Variants in RAB36 observed in about 807,000 individuals in gnomAD.
RAB36 encodes ras-related protein Rab-36.
RAB36 carries 33 observed loss-of-function variants against 39.3 expected under a neutral mutation model. The observed-to-expected ratio is 0.84, with a 90% CI of 0.64 to 1.12. The LOEUF (loss-of-function observed/expected upper bound fraction) is 1.12, where lower values mean the gene tolerates loss of function less well. RAB36 is among the 50% of genes most tolerant of loss of function. RAB36 has a pLI of 0.00. For synonymous variants in RAB36, 133 were observed against 140.2 expected, an observed-to-expected ratio of 0.95 and a Z score of 0.36; for missense variants, 308 against 355.3, an observed-to-expected ratio of 0.87 and a Z score of 1.07.
chr22:23,149,779 C>G (rs1269061189), intron 2 of RAB36, among the ~76,000 whole-genome samples: 1 of 152,244 alleles, frequency 6.6e-6, no homozygotes, highest in African/African-American at 2.4e-5. Flanking sequence ...CCAGAGCAGA[C>G]AGGCCTGTCA....
chr22:23,147,106 G>A (rs1398127772), intron 2 of RAB36, among the ~76,000 whole-genome samples: 1 of 152,156 alleles, frequency 6.6e-6, no homozygotes, highest in East Asian at 1.9e-4. Context: ...CATCGTTGTT[G>A]TTATCAAAAC....
intron 2 of RAB36, among the ~76,000 whole-genome samples, chr22:23,147,149 C>A (rs1271041489): frequency 6.6e-6 from 1 of 152,152 alleles, no homozygotes; most frequent in Non-Finnish European, 1.5e-5. Flanking sequence ...AAATCCAGGG[C>A]TCTCTCCTCT....
intron 5 of RAB36, among the ~76,000 whole-genome samples, chr22:23,154,549 G>C (rs938052212): frequency 2.6e-5 from 4 of 152,214 alleles, no homozygotes; most frequent in South Asian, 4.1e-4. Flanking sequence ...AGGGCCAGTG[G>C]GGGTAGCTGA....
intron 2 of RAB36, among the ~76,000 whole-genome samples, chr22:23,148,226 A>G (rs1346075292): frequency 6.6e-6 from 1 of 152,108 alleles, no homozygotes; most frequent in East Asian, 1.9e-4. Flanking sequence ...TGTGTCTCAG[A>G]CCTGTGGACA....
At chr22:23,153,240 G>C (rs2071265785) in intron 5 of RAB36, 106 bp downstream of exon 5, 1 of 848,926 alleles carries the variant, frequency 1.2e-6, no homozygotes, top group Admixed American at 2.0e-5. Flanking sequence ...GACTAGTCTA[G>C]ACAAGCAGAG....
At chr22:23,145,448 G>A (rs778299791), upstream of RAB36, 3 of 1,610,622 alleles carry the variant, frequency 1.9e-6, no homozygotes, top group South Asian at 1.1e-5. Context: ...TCGACGATTC[G>A]TGTAGCCCGC....
chr22:23,163,260 GTC>G lies in RAB36; in HGVS notation c.*1700_*1701del, dbSNP rs2071911496. 1 of 153,826 alleles carries G rather than the reference GTC, an allele frequency of 6.5e-6. No homozygotes were observed. The highest frequency in any genetic ancestry group is 2.4e-5 in the African/African-American group (1 of 40,874). 9.5% of individuals were successfully genotyped at this position (153,826 alleles called of 1,614,324 possible). A position where few individuals can be genotyped will look rare whatever the true frequency, so the allele number is the denominator to read the frequency against. On this transcript the variant is annotated 3_prime_UTR_variant, in exon 11 of 11. Transcript: ENST00000263116. ...GTTTTCTTTTGGGCGGCGGGATGGA[GTC>G]TCTGTCACCCAGGCTGGCGTGCAAT... is the stretch of plus-strand genomic sequence containing the variant.
intron 7 of RAB36, 110 bp from the exon 8 acceptor site, chr22:23,158,788 T>C (rs1488000848): frequency 7.1e-5 from 67 of 948,728 alleles, no homozygotes; most frequent in Non-Finnish European, 3.8e-5. Flanking sequence ...GCCCTCCTTG[T>C]CCCTCCCAGC....
intron 6 of RAB36, among the ~76,000 whole-genome samples, chr22:23,156,995 A>T (rs1017007738): frequency 7.2e-5 from 11 of 152,114 alleles, no homozygotes; most frequent in Admixed American, 2.0e-4. Context: ...GTGCAGAGGA[A>T]GCCCCTGTCC....
At chr22:23,146,027 T>G in intron 1 of RAB36, 1 of 984,768 alleles carries the variant, frequency 1.0e-6, no homozygotes, top group Non-Finnish European at 1.2e-6. Context: ...CACAGCCCAG[T>G]AAGGTAAGCT....
Position 23,152,530 on chromosome 22 carries a change from C to A in RAB36, c.227+4C>A. The A allele has an allele frequency of 6.2e-7, 1 of 1,614,010 alleles. No homozygotes were observed. Among genetic ancestry groups the A allele is most frequent in the Non-Finnish European group, 8.5e-7 (1 of 1,179,874 alleles). Reference sequence around the variant, plus strand: ...GGAAGACCAGCCTCATCCACAGGTACAAGGCTTCCTCTGCCCCTTTGGCCA... The same window carrying A: ...GGAAGACCAGCCTCATCCACAGGTAAAAGGCTTCCTCTGCCCCTTTGGCCA... On this transcript the variant is annotated splice_donor_region_variant and intron_variant, in intron 4 of 10. Transcript: ENST00000263116.
At chr22:23,145,824 GA>G in intron 1 of RAB36, 1 of 358,150 alleles carries the variant, frequency 2.8e-6, no homozygotes, top group Non-Finnish European at 3.9e-6. Flanking sequence ...AGTCCGGACA[GA>G]AAAAGGAGAC....
chr22:23,152,989 T>C, intron 4 of RAB36, 44 bp from the exon 5 acceptor site: 4 of 1,410,526 alleles, frequency 2.8e-6, no homozygotes, highest in South Asian at 1.2e-5. Context: ...TCCGGGCACA[T>C]TTCTGTGAGT....
intron 6 of RAB36, 200 bp downstream of exon 6, chr22:23,156,232 C>T (rs1006914019): frequency 7.4e-6 from 4 of 539,670 alleles, no homozygotes; most frequent in Non-Finnish European, 1.4e-5. Flanking sequence ...CGATCACACC[C>T]TTTAAGGACC....
upstream of RAB36, chr22:23,145,466 G>C (rs746854024): frequency 1.2e-6 from 2 of 1,609,880 alleles, no homozygotes; most frequent in Non-Finnish European, 1.7e-6. Flanking sequence ...CGCAGGTCCC[G>C]CGTGGCTCTC....
chr22:23,163,606 G>GCCTCCC lies in RAB36; in HGVS notation c.*2044_*2045insTCCCCC, dbSNP rs1555954101. 8.0e-6 allele frequency: 1 copy of GCCTCCC among 125,234 alleles called. No individual in the cohort carries two copies. Among genetic ancestry groups the GCCTCCC allele is most frequent in the Non-Finnish European group, 1.8e-5 (1 of 55,740 alleles). 7.8% of individuals were successfully genotyped at this position (125,234 alleles called of 1,614,324 possible). On this transcript the variant is annotated 3_prime_UTR_variant, in exon 11 of 11. Transcript: ENST00000263116. Reference sequence around the variant, plus strand: ...AAAGCATATAAAATACAAGGTGAAAGCCCCCCCCCCGCCACATTAGCTGCG... The same window carrying GCCTCCC: ...AAAGCATATAAAATACAAGGTGAAAGCCTCCCCCCCCCCCCCGCCACATTAGCTGCG...
chr22:23,150,414 G>T (rs2071049542), intron 3 of RAB36, among the ~76,000 whole-genome samples: 2 of 150,406 alleles, frequency 1.3e-5, no homozygotes, highest in Non-Finnish European at 2.9e-5. Context: ...CCATTCTCCT[G>T]CCTCAGCCTC....
At chr22:23,159,071 G>C (rs2071626073) in intron 8 of RAB36, 92 bp downstream of exon 8, 1 of 1,586,948 alleles carries the variant, frequency 6.3e-7, no homozygotes, top group African/African-American at 1.3e-5. Flanking sequence ...AGGGAGGGAG[G>C]CAGCACAGTG....
At position 23,162,626 on chromosome 22, in the gene RAB36, C is replaced by T. The variant is rs1338246556; in HGVS notation, c.*1062C>T. On this transcript the variant is annotated 3_prime_UTR_variant, in exon 11 of 11. Coordinates refer to ENST00000263116, the MANE Select transcript of RAB36 (RefSeq NM_004914.5). The stretch of plus-strand genomic sequence containing the variant: ...CCCCAGCCTCTCTGCCCAGTATGCT[C>T]ATCCACAGGGTTTTCTCACTGCTAT... 1 of 456,342 alleles carries T rather than the reference C, an allele frequency of 2.2e-6. No individual in the cohort carries two copies. The highest frequency in any genetic ancestry group is 4.4e-6 in the Non-Finnish European group (1 of 226,972). The allele number at this position is 456,342 out of a possible 1,614,324, so 28.3% of individuals were successfully genotyped here.
Sources: allele counts gnomAD v4.1 joint callset (sites outside exome capture counted in the v4.1 genomes callset), GRCh38; gene constraint gnomAD v4.1.1; transcripts MANE v1.5; gene names NCBI Gene and HGNC (gene_info 2026-07-23, HGNC 2026-07-21).